The following NCOA1 variants were observed in gnomAD, a reference collection of about 807,000 sequenced individuals.
The protein encoded by NCOA1 is nuclear receptor coactivator 1.
In NCOA1, 35 loss-of-function variants were observed where a neutral mutation model predicts 150.9. That is an observed-to-expected ratio of 0.23 (90% CI 0.18 to 0.31). NCOA1 has a LOEUF of 0.31. Ranked by LOEUF, NCOA1 falls within the 10% of genes least tolerant of loss-of-function variation. The probability of loss-of-function intolerance (pLI) is 1.00; values close to 1 mark genes in which losing one functional copy is unlikely to be tolerated. For missense variants in NCOA1, 1,491 were observed against 1,749.3 expected (o/e 0.85, Z 2.63); for synonymous variants, 590 against 630.0 (o/e 0.94, Z 0.95).
At chr2:24,660,639 T>C (rs536991736) in intron 5 of NCOA1, among the ~76,000 whole-genome samples, 18 of 152,318 alleles carry the variant, frequency 1.2e-4, no homozygotes, top group Non-Finnish European at 2.4e-4. Flanking sequence ...TACATGAATA[T>C]ACCATCTTTG....
chr2:24,724,681 AATAAACT>A (rs1388093072), intron 14 of NCOA1, among the ~76,000 whole-genome samples: 2 of 152,182 alleles, frequency 1.3e-5, no homozygotes, highest in African/African-American at 4.8e-5. Flanking sequence ...TACTGAGTCA[AATAAACT>A]ATCTTGCAAA....
chr2:24,666,433 C>T (rs1671431532), intron 6 of NCOA1, among the ~76,000 whole-genome samples: 1 of 152,068 alleles, frequency 6.6e-6, no homozygotes, highest in South Asian at 2.1e-4. Context: ...AACAAAGTGT[C>T]TTATTAAGTT....
chr2:24,679,517 A>G (rs1316110327), intron 7 of NCOA1, among the ~76,000 whole-genome samples: 2 of 152,198 alleles, frequency 1.3e-5, no homozygotes, highest in African/African-American at 4.8e-5. Flanking sequence ...ATAAGTATAT[A>G]TTTATAATAC....
chr2:24,683,647 C>G (rs1672278199), intron 8 of NCOA1, among the ~76,000 whole-genome samples: 1 of 152,124 alleles, frequency 6.6e-6, no homozygotes, highest in African/African-American at 2.4e-5. Flanking sequence ...AACCCTGTGC[C>G]TTGGGGCAGG....
At chr2:24,599,016 C>T (rs891198099) in intron 3 of NCOA1, among the ~76,000 whole-genome samples, 2 of 152,002 alleles carry the variant, frequency 1.3e-5, no homozygotes, top group Admixed American at 6.6e-5. Context: ...AAACAAAATC[C>T]AAATAGAGAA....
At chr2:24,642,307 A>G (rs1322146153) in intron 3 of NCOA1, among the ~76,000 whole-genome samples, 1 of 143,800 alleles carries the variant, frequency 7.0e-6, no homozygotes, top group African/African-American at 2.5e-5. Context: ...TTTACCCATT[A>G]TATGTATATA....
chr2:24,585,670 A>G (rs1181184244), intron 3 of NCOA1, among the ~76,000 whole-genome samples: 1 of 152,168 alleles, frequency 6.6e-6, no homozygotes, highest in Non-Finnish European at 1.5e-5. Flanking sequence ...GTAGAAATCT[A>G]GATTATTAGT....
intron 1 of NCOA1, among the ~76,000 whole-genome samples, chr2:24,521,993 C>T (rs1364077701): frequency 6.6e-6 from 1 of 152,064 alleles, no homozygotes; most frequent in Middle Eastern, 3.2e-3. Flanking sequence ...TCCCTATTCT[C>T]CCCGCCCCCC....
At chr2:24,720,535 G>A (rs1040730477) in intron 14 of NCOA1, among the ~76,000 whole-genome samples, 3 of 152,108 alleles carry the variant, frequency 2.0e-5, no homozygotes, top group Admixed American at 6.5e-5. Flanking sequence ...GTTCGCAAAG[G>A]CCAAGAGCAT....
intron 8 of NCOA1, among the ~76,000 whole-genome samples, chr2:24,689,822 A>G (rs181697172): frequency 6.6e-6 from 1 of 152,334 alleles, no homozygotes; most frequent in East Asian, 1.9e-4. Flanking sequence ...TAATTTTTAC[A>G]TTCATTTTTC....
chr2:24,740,191 C>T (rs56144774), intron 18 of NCOA1, among the ~76,000 whole-genome samples: 2 of 152,222 alleles, frequency 1.3e-5, no homozygotes, highest in African/African-American at 4.8e-5. Context: ...TTCCTCTCCA[C>T]AATATGGAAC....
At chr2:24,665,140 A>AT (rs879939062) in intron 5 of NCOA1, among the ~76,000 whole-genome samples, 114 of 150,904 alleles carry the variant, frequency 7.6e-4, no homozygotes, top group African/African-American at 1.1e-3. Flanking sequence ...CTTACAAATC[A>AT]TTTTTTTTTC....
intron 4 of NCOA1, among the ~76,000 whole-genome samples, chr2:24,646,412 T>G (rs913497442): frequency 7.9e-5 from 12 of 152,216 alleles, no homozygotes; most frequent in Non-Finnish European, 1.5e-4. Context: ...ACAACATTTT[T>G]TATTGCTGTT....
chr2:24,718,737 A>C (rs534731003), intron 14 of NCOA1, among the ~76,000 whole-genome samples: 34 of 151,512 alleles, frequency 2.2e-4, no homozygotes, highest in African/African-American at 8.0e-4. Flanking sequence ...AAAAAAAAAA[A>C]AACAAATCAG....
At chr2:24,660,530 CTG>C (rs1281716193) in intron 5 of NCOA1, among the ~76,000 whole-genome samples, 2 of 151,974 alleles carry the variant, frequency 1.3e-5, no homozygotes, top group Non-Finnish European at 2.9e-5. Context: ...TTATGTAATA[CTG>C]TATATATTTT....
At chr2:24,638,572 C>G (rs892832046) in intron 3 of NCOA1, among the ~76,000 whole-genome samples, 4 of 152,050 alleles carry the variant, frequency 2.6e-5, no homozygotes, top group Admixed American at 6.5e-5. Context: ...CCATACTGTT[C>G]TCCATAGTGG....
rs568150729 is a variant in NCOA1 at position 24,588,737 on chromosome 2, T to TG, written c.-175+4180dup. 1.6e-3 allele frequency among the ~76,000 whole-genome samples: 249 copies of TG among 152,290 alleles called. 1 individual carries two copies. The highest frequency in any genetic ancestry group is 5.8e-3 in the African/African-American group (239 of 41,558). On this transcript the variant is annotated intron_variant, in intron 3 of 22. Coordinates refer to ENST00000348332, the MANE Select transcript of NCOA1 (RefSeq NM_003743.5). Reference sequence around the variant, plus strand: ...TTTAGTAGGAGAAGAGGTAGATGAATGGGCTCACTCTGCCATCTTAATTGA... The same window carrying TG: ...TTTAGTAGGAGAAGAGGTAGATGAATGGGGCTCACTCTGCCATCTTAATTGA...
intron 1 of NCOA1, among the ~76,000 whole-genome samples, chr2:24,536,385 A>T (rs568831113): frequency 1.3e-5 from 2 of 152,034 alleles, no homozygotes; most frequent in Non-Finnish European, 2.9e-5. Flanking sequence ...CTTCCTTGCA[A>T]TGGGTTAGAA....
At chr2:24,662,317 A>G (rs1202053392) in intron 5 of NCOA1, among the ~76,000 whole-genome samples, 1 of 152,200 alleles carries the variant, frequency 6.6e-6, no homozygotes, top group East Asian at 1.9e-4. Flanking sequence ...GAGAATGAGG[A>G]TTAAAACGTT....
Sources: gnomAD v4.1 joint callset for allele counts (sites outside exome capture counted in the v4.1 genomes callset) on GRCh38, gnomAD v4.1.1 for gene constraint, MANE v1.5 for transcripts, NCBI Gene and HGNC (gene_info 2026-07-23, HGNC 2026-07-21) for gene names.